KIF26B: variants seen among roughly 807,000 people sequenced by gnomAD.
The protein encoded by KIF26B is kinesin family member 26B.
Under a neutral mutation model 151.2 loss-of-function variants are expected in KIF26B, and 63 were observed. That is an observed-to-expected ratio of 0.42 (90% confidence interval 0.34 to 0.51). The LOEUF is 0.51. KIF26B is among the 20% of genes least tolerant of loss of function. The pLI, the probability that KIF26B is intolerant of heterozygous loss-of-function variation, is 0.07. For missense variants in KIF26B, 2,813 were observed against 2,913.6 expected (o/e 0.97, Z 0.79); for synonymous variants, 1,357 against 1,262.1 (o/e 1.08, Z -1.59).
At chr1:245,377,518 G>C (rs1483779441) in intron 3 of KIF26B, among the ~76,000 whole-genome samples, 1 of 152,126 alleles carries the variant, frequency 6.6e-6, no homozygotes, top group Non-Finnish European at 1.5e-5. Context: ...TGTGGGTTTT[G>C]CCATTAAAAA....
At chr1:245,343,606 C>T (rs552144096) in intron 2 of KIF26B, among the ~76,000 whole-genome samples, 7 of 152,242 alleles carry the variant, frequency 4.6e-5, no homozygotes, top group East Asian at 3.9e-4. Flanking sequence ...GACATTTAAA[C>T]GCAATTTTTC....
intron 10 of KIF26B, among the ~76,000 whole-genome samples, chr1:245,661,713 ACAC>A (rs59718845): frequency 0.67 from 98,664 of 147,740 alleles, 32,691 homozygotes; most frequent in East Asian, 0.82. Context: ...ATATACACAC[ACAC>A]CACCAATATA....
At position 245,698,796 on chromosome 1, in the gene KIF26B, CTG is replaced by C; in HGVS notation, c.6028-89_6028-88del. 6.7e-7 allele frequency: 1 copy of C among 1,489,772 alleles called. No individual in the cohort carries two copies. The highest frequency in any genetic ancestry group is 9.1e-7 in the Non-Finnish European group (1 of 1,100,700). 92.3% of individuals were successfully genotyped at this position (1,489,772 alleles called of 1,614,324 possible). ...CCTCCCACACGTCTCCAAGCCCAGC[CTG>C]TTTTCCATCAACGATACTCACAGGT... On this transcript the variant is annotated intron_variant, in intron 13 of 14. Transcript: ENST00000407071. This position sits in a 1 kb window ranked among gnomAD's most constrained non-coding sequence, Gnocchi z 4.0.
At chr1:245,357,554 T>C (rs962096172) in intron 2 of KIF26B, among the ~76,000 whole-genome samples, 1 of 152,198 alleles carries the variant, frequency 6.6e-6, no homozygotes, top group Admixed American at 6.5e-5. Flanking sequence ...CAGTGAATGG[T>C]ACACATTTAA....
chr1:245,687,208 G>A lies in KIF26B; in HGVS notation c.4225G>A (p.Ala1409Thr). The change falls in exon 12 of 15, where the codon GCC (alanine) becomes ACC (threonine). Residue 1409 changes from alanine (A) to threonine (T), a missense_variant. Physicochemically the swap from Ala to Thr is moderately conservative, Grantham distance 58 (BLOSUM62 0). Around this residue, in one of 3 missense-constraint regions of KIF26B, gnomAD observed 2,060 missense variants for 2,088.6 expected, o/e 0.99. Coordinates refer to ENST00000407071, the MANE Select transcript of KIF26B (RefSeq NM_018012.4). The surrounding 1 kb of genome is among the most constrained non-coding windows in gnomAD (Gnocchi z 4.9). ...CCCCCGGAACATCCAAGAGCCGGAG[G>A]CCCCCACCGCCACCCCCAAAGCAGG... ...MSPRNIQEPE[A>T]PTATPKAGPT... 1.9e-6 allele frequency: 3 copies of A among 1,612,846 alleles called. No individual in the cohort carries two copies. Among genetic ancestry groups the A allele is most frequent in the Non-Finnish European group, 2.5e-6 (3 of 1,179,640 alleles).
At chr1:245,620,000 A>G (rs1280150821) in intron 9 of KIF26B, among the ~76,000 whole-genome samples, 1 of 151,912 alleles carries the variant, frequency 6.6e-6, no homozygotes, top group Admixed American at 6.6e-5. Context: ...CCACCCAATT[A>G]CCTTTCACGT....
intron 10 of KIF26B, among the ~76,000 whole-genome samples, chr1:245,655,007 C>G (rs1232572336): frequency 1.3e-5 from 2 of 152,216 alleles, no homozygotes; most frequent in Non-Finnish European, 2.9e-5. Context: ...ATCAGCCTCT[C>G]AGCTGGAATT....
At chr1:245,178,621 C>G (rs1300197355) in intron 2 of KIF26B, among the ~76,000 whole-genome samples, 3 of 152,214 alleles carry the variant, frequency 2.0e-5, no homozygotes, top group Admixed American at 2.0e-4. Flanking sequence ...TAAGCAATAA[C>G]TTTTGTTATT....
At chr1:245,538,360 T>C (rs986022194) in intron 4 of KIF26B, among the ~76,000 whole-genome samples, 23 of 151,818 alleles carry the variant, frequency 1.5e-4, no homozygotes, top group Non-Finnish European at 3.2e-4. Context: ...AGGATTTGTG[T>C]TTTATGTTTT....
chr1:245,564,548 C>T lies in KIF26B; in HGVS notation c.1350+23598C>T, dbSNP rs1035875013. On this transcript the variant is annotated intron_variant, in intron 5 of 14. Coordinates refer to ENST00000407071, the MANE Select transcript of KIF26B (RefSeq NM_018012.4). This position sits in a 1 kb window ranked among gnomAD's most constrained non-coding sequence, Gnocchi z 4.6. ...TAATTCAAAAGGATAAGAAGGACTC[C>T]TTTCACTGTGCATCTTTAGACGAAG... 6.6e-6 allele frequency among the ~76,000 whole-genome samples: 1 copy of T among 152,166 alleles called. No homozygotes were observed. The highest frequency in any genetic ancestry group is 2.4e-5 in the African/African-American group (1 of 41,420).
intron 2 of KIF26B, among the ~76,000 whole-genome samples, chr1:245,230,985 A>AC (rs759932279): frequency 9.9e-5 from 15 of 151,840 alleles, no homozygotes; most frequent in Non-Finnish European, 2.2e-4. Context: ...GAGGAAAAAG[A>AC]CAAAAAAAAA....
chr1:245,236,083 C>T (rs1330679244), intron 2 of KIF26B, among the ~76,000 whole-genome samples: 1 of 152,096 alleles, frequency 6.6e-6, no homozygotes, highest in East Asian at 1.9e-4. Context: ...GTGTGCGCCA[C>T]CATGCCTGGC....
chr1:245,684,684 CAAG>C (rs976175927), intron 11 of KIF26B, among the ~76,000 whole-genome samples: 2 of 152,188 alleles, frequency 1.3e-5, no homozygotes, highest in Non-Finnish European at 2.9e-5. Context: ...ATTGCTACCT[CAAG>C]AGGAAAAACG....
At chr1:245,252,930 T>A (rs1177614229) in intron 2 of KIF26B, among the ~76,000 whole-genome samples, 4 of 152,116 alleles carry the variant, frequency 2.6e-5, no homozygotes, top group Admixed American at 6.5e-5. Flanking sequence ...TTTGCTAATA[T>A]TTTTTAAATT....
At chr1:245,557,025 T>C (rs1308357132) in intron 5 of KIF26B, among the ~76,000 whole-genome samples, 1 of 152,120 alleles carries the variant, frequency 6.6e-6, no homozygotes, top group African/African-American at 2.4e-5. Context: ...GGAACATCTG[T>C]CTCCATCTGT....
At chr1:245,449,844 C>T (rs967616437) in intron 4 of KIF26B, among the ~76,000 whole-genome samples, 5 of 152,088 alleles carry the variant, frequency 3.3e-5, no homozygotes, top group African/African-American at 1.2e-4. Context: ...ACAGTTTGTC[C>T]CAAGGACATC....
At chr1:245,438,492 G>A (rs1401965359) in intron 4 of KIF26B, among the ~76,000 whole-genome samples, 1 of 152,096 alleles carries the variant, frequency 6.6e-6, no homozygotes, top group African/African-American at 2.4e-5. Context: ...CAGAAGCGGT[G>A]GAATTGAGTT....
intron 4 of KIF26B, among the ~76,000 whole-genome samples, chr1:245,435,130 CCCATCCAT>C (rs34535359): frequency 0.11 from 15,396 of 145,102 alleles, 780 homozygotes; most frequent in South Asian, 0.17. Context: ...TCTCCATCTA[CCCATCCAT>C]CCATCCATCC....
chr1:245,387,724 C>T (rs964737665), intron 3 of KIF26B, among the ~76,000 whole-genome samples: 3 of 152,082 alleles, frequency 2.0e-5, no homozygotes, highest in Admixed American at 6.6e-5. Context: ...AAAAAATCCC[C>T]GATATTTCTG....
Sources: gnomAD v4.1 joint callset for allele counts (sites outside exome capture counted in the v4.1 genomes callset) on GRCh38, gnomAD v4.1.1 for gene constraint, gnomAD v4.1.1 regional missense constraint, Gnocchi (gnomAD v3.1) non-coding constraint, MANE v1.5 for transcripts, NCBI Gene and HGNC (gene_info 2026-07-23, HGNC 2026-07-21) for gene names.